Variants in KIRREL3 observed in about 807,000 individuals in gnomAD.
KIRREL3 encodes the protein kin of IRRE-like protein 3.
In KIRREL3, 36 loss-of-function variants were observed where a neutral mutation model predicts 89.7. That is an observed-to-expected ratio of 0.40 (90% confidence interval 0.31 to 0.53). The LOEUF (loss-of-function observed/expected upper bound fraction) is 0.53. Ranked by LOEUF, KIRREL3 falls within the 20% of genes least tolerant of loss-of-function variation. The pLI, the probability that KIRREL3 is intolerant of heterozygous loss-of-function variation, is 0.49. For missense variants in KIRREL3, 864 were observed against 1,056.6 expected, an observed-to-expected ratio of 0.82 and a Z score of 2.53; for synonymous variants, 445 against 441.4, an observed-to-expected ratio of 1.01 and a Z score of -0.10.
intron 9 of KIRREL3, 79 bp downstream of exon 9, chr11:126,446,680 G>C: frequency 6.9e-7 from 1 of 1,438,934 alleles, no homozygotes. Context: ...AGTGAGAGGG[G>C]CCTGGGCAGC....
Position 126,607,059 on chromosome 11 carries a change from A to T in KIRREL3, c.56-44147T>A, listed in dbSNP as rs191322299. 6.6e-6 allele frequency among the ~76,000 whole-genome samples: 1 copy of T among 152,274 alleles called. No individual in the cohort carries two copies. Among genetic ancestry groups the T allele is most frequent in the East Asian group, 1.9e-4 (1 of 5,184 alleles). ...CTTATTAAGCAGTTGTTCTCTTCCA[A>T]GGGGCTCTCTCTGGCAGCCAAGAAC... On this transcript the variant is annotated intron_variant, in intron 1 of 16. Transcript: ENST00000525144. This position sits in a 1 kb window ranked among gnomAD's most constrained non-coding sequence, Gnocchi z 6.6.
intron 1 of KIRREL3, among the ~76,000 whole-genome samples, chr11:126,827,631 A>G (rs1161074144): frequency 1.3e-5 from 2 of 152,270 alleles, no homozygotes; most frequent in Non-Finnish European, 2.9e-5. Context: ...TTCTAAAACC[A>G]TATAATGTAT....
chr11:126,975,097 A>G (rs1239762742), intron 1 of KIRREL3, among the ~76,000 whole-genome samples: 2 of 152,122 alleles, frequency 1.3e-5, no homozygotes, highest in Non-Finnish European at 2.9e-5. Flanking sequence ...GGTGTGAGCC[A>G]CTGCGCCTGG....
At position 126,744,009 on chromosome 11, in the gene KIRREL3, A is replaced by G. The variant is rs1949062813; in HGVS notation, c.56-181097T>C. On this transcript the variant is annotated intron_variant, in intron 1 of 16. Transcript: ENST00000525144. This position sits in a 1 kb window ranked among gnomAD's most constrained non-coding sequence, Gnocchi z 4.7. Reference sequence around the variant, plus strand: ...AGGATGGCCTCATGGAAGAGGTGACATTAGATTTGGGCCTTAGCAATGGGC... The same window carrying G: ...AGGATGGCCTCATGGAAGAGGTGACGTTAGATTTGGGCCTTAGCAATGGGC... Among the ~76,000 whole-genome samples the G allele has an allele frequency of 6.6e-6, 1 of 152,232 alleles. No individual in the cohort carries two copies. The highest frequency in any genetic ancestry group is 2.1e-4 in the South Asian group (1 of 4,828).
intron 1 of KIRREL3, chr11:126,936,321 G>A (rs1438590996): frequency 6.6e-6 from 1 of 152,098 alleles, no homozygotes; most frequent in Non-Finnish European, 1.5e-5. Flanking sequence ...AGCCACTTTG[G>A]AAAATAGTTC....
In KIRREL3 at chr11:127,000,598, G is replaced by T. The variant is rs1316827681; in HGVS notation, c.-89C>A. 3 of 1,377,388 alleles carry T rather than the reference G, an allele frequency of 2.2e-6. No homozygotes were observed. Among genetic ancestry groups the T allele is most frequent in the Non-Finnish European group, 3.0e-6 (3 of 998,446 alleles). 85.3% of individuals were successfully genotyped at this position (1,377,388 alleles called of 1,614,324 possible). ...CGGCTCTCGGTGCTCAGCCTCCGCC[G>T]GTCCTCTCGGGTTCGCGCCTACCAT... On this transcript the variant is annotated 5_prime_UTR_variant, in exon 1 of 17. Transcript: ENST00000525144. The surrounding 1 kb of genome is among the most constrained non-coding windows in gnomAD (Gnocchi z 7.1).
At chr11:126,436,708 G>C (rs573909298) in intron 12 of KIRREL3, 103 bp downstream of exon 12, 1 of 1,237,718 alleles carries the variant, frequency 8.1e-7, no homozygotes, top group African/African-American at 1.5e-5. Context: ...GCTTGTCCTT[G>C]GGCCCTGGCC....
chr11:126,493,887 G>T (rs1436121915), intron 4 of KIRREL3, among the ~76,000 whole-genome samples: 1 of 152,046 alleles, frequency 6.6e-6, no homozygotes, highest in Non-Finnish European at 1.5e-5. Context: ...ATCCTTTCCT[G>T]GTTCAGGCTG....
chr11:126,792,431 A>G (rs111363336), intron 1 of KIRREL3, among the ~76,000 whole-genome samples: 5,728 of 152,300 alleles, frequency 0.038, 344 homozygotes, highest in African/African-American at 0.13. Flanking sequence ...ACTTGCAAGC[A>G]ATAGAGCCTA....
chr11:126,588,289 A>G (rs922459724), intron 1 of KIRREL3, among the ~76,000 whole-genome samples: 3 of 152,216 alleles, frequency 2.0e-5, no homozygotes, highest in Admixed American at 2.0e-4. Flanking sequence ...AGCTTCTCTG[A>G]GCCCCAGTTT....
At position 126,740,871 on chromosome 11, in the gene KIRREL3, A is replaced by G. The variant is rs1948957958; in HGVS notation, c.56-177959T>C. On this transcript the variant is annotated intron_variant, in intron 1 of 16. Coordinates refer to ENST00000525144, the MANE Select transcript of KIRREL3 (RefSeq NM_032531.4). The surrounding 1 kb of genome is among the most constrained non-coding windows in gnomAD (Gnocchi z 6.0). ...TCTTGGAAAAAGCCACTCACTGAGA[A>G]AGAAGATATCCATTGTTCCATGAGA... Among the ~76,000 whole-genome samples, 1 of 152,212 alleles carries G rather than the reference A, an allele frequency of 6.6e-6. No individual in the cohort carries two copies. Among genetic ancestry groups the G allele is most frequent in the Admixed American group, 6.5e-5 (1 of 15,288 alleles).
chr11:126,899,851 C>T (rs373733794), intron 1 of KIRREL3, among the ~76,000 whole-genome samples: 14 of 152,126 alleles, frequency 9.2e-5, no homozygotes, highest in African/African-American at 3.4e-4. Context: ...GTCATTGAGG[C>T]CTAGTGGTTG....
chr11:126,985,085 G>T lies in KIRREL3; in HGVS notation c.55+15370C>A, dbSNP rs939404528. 6.6e-6 allele frequency among the ~76,000 whole-genome samples: 1 copy of T among 152,160 alleles called. No individual in the cohort carries two copies. Among genetic ancestry groups the T allele is most frequent in the Non-Finnish European group, 1.5e-5 (1 of 68,038 alleles). Reference sequence around the variant, plus strand: ...GAAATACTATACACATGCAAGGAAGGATTAAATTATTATCACCTTTTCCCC... The same window carrying T: ...GAAATACTATACACATGCAAGGAAGTATTAAATTATTATCACCTTTTCCCC... On this transcript the variant is annotated intron_variant, in intron 1 of 16. Coordinates refer to ENST00000525144, the MANE Select transcript of KIRREL3 (RefSeq NM_032531.4). This position sits in a 1 kb window ranked among gnomAD's most constrained non-coding sequence, Gnocchi z 5.3.
At chr11:126,493,090 G>A (rs1271707176) in intron 4 of KIRREL3, among the ~76,000 whole-genome samples, 1 of 152,258 alleles carries the variant, frequency 6.6e-6, no homozygotes, top group Non-Finnish European at 1.5e-5. Flanking sequence ...GAGGTAGGCA[G>A]TGAGGTAGGC....
chr11:126,880,192 G>C (rs145095285), intron 1 of KIRREL3, among the ~76,000 whole-genome samples: 59 of 152,300 alleles, frequency 3.9e-4, no homozygotes, highest in African/African-American at 1.4e-3. Context: ...TAATTACAAA[G>C]AGCCTGGAAT....
intron 11 of KIRREL3, among the ~76,000 whole-genome samples, chr11:126,438,333 C>T (rs1181913523): frequency 6.6e-6 from 1 of 152,234 alleles, no homozygotes; most frequent in Non-Finnish European, 1.5e-5. Flanking sequence ...CTGTCTGCAC[C>T]TCATCGTGTA....
At position 126,876,612 on chromosome 11, in the gene KIRREL3, A is replaced by G. The variant is rs1322645235; in HGVS notation, c.55+123843T>C. Among the ~76,000 whole-genome samples the G allele has an allele frequency of 7.0e-6, 1 of 143,284 alleles. No individual in the cohort carries two copies. The highest frequency in any genetic ancestry group is 2.6e-5 in the African/African-American group (1 of 37,858). 94.0% of individuals were successfully genotyped at this position (143,284 alleles called of 152,430 possible). A position where few individuals can be genotyped will look rare whatever the true frequency, so the allele number is the denominator to read the frequency against. ...GAGTGCAGCGGTGCGACCTTGGCCC[A>G]CTGCAACCTCCACCTCCAGGGTTCA... On this transcript the variant is annotated intron_variant, in intron 1 of 16. Transcript: ENST00000525144. This position sits in a 1 kb window ranked among gnomAD's most constrained non-coding sequence, Gnocchi z 4.1.
At chr11:126,849,833 C>G (rs1025745753) in intron 1 of KIRREL3, among the ~76,000 whole-genome samples, 3 of 152,126 alleles carry the variant, frequency 2.0e-5, no homozygotes, top group Non-Finnish European at 4.4e-5. Context: ...CCTGGACGCA[C>G]GTTCACCATG....
At position 126,555,702 on chromosome 11, in the gene KIRREL3, C is replaced by T. The variant is rs1249372983; in HGVS notation, c.133+7133G>A. On this transcript the variant is annotated intron_variant, in intron 2 of 16. Transcript: ENST00000525144. The surrounding 1 kb of genome is among the most constrained non-coding windows in gnomAD (Gnocchi z 4.2). Reference sequence around the variant, plus strand: ...GATGAAGTCAGAGGTAGGTAGGAACCAGATCACGTGGCACCTTGTAGAACA... The same window carrying T: ...GATGAAGTCAGAGGTAGGTAGGAACTAGATCACGTGGCACCTTGTAGAACA... 6.0e-5 allele frequency among the ~76,000 whole-genome samples: 9 copies of T among 150,866 alleles called. No homozygotes were observed. The highest frequency in any genetic ancestry group is 1.3e-4 in the Non-Finnish European group (9 of 67,866).
Sources: allele counts gnomAD v4.1 joint callset (sites outside exome capture counted in the v4.1 genomes callset), GRCh38; gene constraint gnomAD v4.1.1; non-coding constraint Gnocchi (gnomAD v3.1); transcripts MANE v1.5; gene names NCBI Gene and HGNC (gene_info 2026-07-23, HGNC 2026-07-21).